The following WDR70 variants were observed in gnomAD, a reference collection of about 807,000 sequenced individuals.
The protein encoded by WDR70 is WD repeat-containing protein 70.
Under a neutral mutation model 88.6 loss-of-function variants are expected in WDR70, and 53 were observed. That is an observed-to-expected ratio of 0.60 (90% CI 0.48 to 0.75). WDR70 has a LOEUF of 0.75. WDR70 is among the 30% of genes least tolerant of loss of function. The probability of loss-of-function intolerance (pLI) is 0.00; values close to 1 mark genes in which losing one functional copy is unlikely to be tolerated. For missense variants in WDR70, 610 were observed against 823.2 expected, an observed-to-expected ratio of 0.74 and a Z score of 3.17; for synonymous variants, 280 against 270.0, an observed-to-expected ratio of 1.04 and a Z score of -0.36.
chr5:37,633,997 A>T (rs1259165088), intron 10 of WDR70, among the ~76,000 whole-genome samples: 3 of 151,904 alleles, frequency 2.0e-5, no homozygotes, highest in Non-Finnish European at 4.4e-5. Flanking sequence ...ATTTTTCAAT[A>T]TTTTAAAAAC....
At chr5:37,532,827 T>C (rs1261625408) in intron 9 of WDR70, among the ~76,000 whole-genome samples, 1 of 152,194 alleles carries the variant, frequency 6.6e-6, no homozygotes, top group Non-Finnish European at 1.5e-5. Flanking sequence ...TTGGGGGTGT[T>C]AAAGACCCTT....
chr5:37,554,532 T>A (rs1324092053), intron 9 of WDR70, among the ~76,000 whole-genome samples: 1 of 152,090 alleles, frequency 6.6e-6, no homozygotes, highest in Non-Finnish European at 1.5e-5. Flanking sequence ...TAAGATTTCA[T>A]ACCCAGCTGT....
chr5:37,582,395 C>T (rs1371664606), intron 9 of WDR70, among the ~76,000 whole-genome samples: 1 of 152,148 alleles, frequency 6.6e-6, no homozygotes, highest in African/African-American at 2.4e-5. Flanking sequence ...ATCAGATTTC[C>T]CTATATCAGC....
At chr5:37,657,436 G>C (rs1745584845) in intron 10 of WDR70, among the ~76,000 whole-genome samples, 1 of 152,086 alleles carries the variant, frequency 6.6e-6, no homozygotes, top group Non-Finnish European at 1.5e-5. Context: ...TTCCTATTCA[G>C]CCACCTTGCC....
intron 10 of WDR70, among the ~76,000 whole-genome samples, chr5:37,672,999 A>G (rs1213075926): frequency 1.3e-5 from 2 of 152,024 alleles, no homozygotes; most frequent in Non-Finnish European, 2.9e-5. Flanking sequence ...TTTTTCACCC[A>G]GGTATTAAGC....
At chr5:37,384,173 C>CTT (rs57075180) in intron 3 of WDR70, among the ~76,000 whole-genome samples, 2 of 107,860 alleles carry the variant, frequency 1.9e-5, no homozygotes, top group Non-Finnish European at 3.7e-5. Context: ...ACTTTCCCCC[C>CTT]TTTTTTTTTT....
At chr5:37,496,304 A>G (rs996411166) in intron 8 of WDR70, among the ~76,000 whole-genome samples, 10 of 152,128 alleles carry the variant, frequency 6.6e-5, no homozygotes, top group East Asian at 3.9e-4. Flanking sequence ...ACTCTTCACA[A>G]TAAATCTTGC....
chr5:37,592,455 T>C (rs1026032904), intron 9 of WDR70, among the ~76,000 whole-genome samples: 1 of 151,740 alleles, frequency 6.6e-6, no homozygotes, highest in Admixed American at 6.6e-5. Context: ...ATTAATACAG[T>C]AAAAAAAAGT....
chr5:37,394,339 C>T (rs1308759089), intron 4 of WDR70, among the ~76,000 whole-genome samples: 4 of 150,482 alleles, frequency 2.7e-5, no homozygotes, highest in Non-Finnish European at 2.9e-5. Flanking sequence ...GAAACTTGTG[C>T]GTTAATCATA....
At chr5:37,406,010 T>C (rs1749341325) in intron 5 of WDR70, among the ~76,000 whole-genome samples, 1 of 152,070 alleles carries the variant, frequency 6.6e-6, no homozygotes, top group Non-Finnish European at 1.5e-5. Context: ...ATCACTGTAC[T>C]CCAGCCTGAG....
rs563977672 is a variant in WDR70, at chr5:37,746,031, C to T, written c.1878-6455C>T. Among the ~76,000 whole-genome samples the T allele has an allele frequency of 1.1e-4, 17 of 152,262 alleles. No homozygotes were observed. In the South Asian group the frequency reaches 1.7e-3, roughly 15 times the overall value. On this transcript the variant is annotated intron_variant, in intron 17 of 17. Coordinates refer to ENST00000265107, the MANE Select transcript of WDR70 (RefSeq NM_018034.4). The stretch of plus-strand genomic sequence containing the variant: ...ATCGACCACATAATTGGAAGTAAAA[C>T]GCTCCTCAGCAAATGCAAAATAACT...
intron 4 of WDR70, 74 bp downstream of exon 4, chr5:37,392,194 T>C: frequency 1.4e-6 from 2 of 1,393,676 alleles, no homozygotes; most frequent in South Asian, 2.6e-5. Flanking sequence ...TTTTTTTTTT[T>C]AATTTTTTTG....
chr5:37,453,514 C>T (rs577536666), intron 7 of WDR70, among the ~76,000 whole-genome samples: 3 of 152,330 alleles, frequency 2.0e-5, no homozygotes, highest in South Asian at 2.1e-4. Context: ...GTTTTCTGCC[C>T]TGGGCGGGCC....
chr5:37,421,926 C>T (rs1174242092), intron 5 of WDR70, among the ~76,000 whole-genome samples: 1 of 151,544 alleles, frequency 6.6e-6, no homozygotes, highest in Non-Finnish European at 1.5e-5. Flanking sequence ...AGAAAGTCTT[C>T]TCCTTGGGGT....
rs114040213 is a variant in WDR70 at position 37,421,421 on chromosome 5, G to A, written c.493-16501G>A. 2.2e-3 allele frequency among the ~76,000 whole-genome samples: 333 copies of A among 152,294 alleles called. 1 individual carries two copies. The highest frequency in any genetic ancestry group is 7.7e-3 in the African/African-American group (320 of 41,568). ...AGTGGCATTCTATGTAAGCTGTGAC[G>A]CTTGTAAGGTACTTTGTGACAGACC... On this transcript the variant is annotated intron_variant, in intron 5 of 17. Coordinates refer to ENST00000265107, the MANE Select transcript of WDR70 (RefSeq NM_018034.4).
chr5:37,723,069 G>A (rs1272770717), intron 15 of WDR70, 135 bp downstream of exon 15: 12 of 966,888 alleles, frequency 1.2e-5, no homozygotes, highest in East Asian at 2.5e-5. Flanking sequence ...ATGTGGATAG[G>A]ACTACGAGTC....
chr5:37,670,168 A>G (rs550861278), intron 10 of WDR70, among the ~76,000 whole-genome samples: 1 of 152,232 alleles, frequency 6.6e-6, no homozygotes, highest in African/African-American at 2.4e-5. Context: ...AGCAAAGTGC[A>G]TGGTATGTGA....
intron 5 of WDR70, among the ~76,000 whole-genome samples, chr5:37,427,426 T>C (rs186708537): frequency 7.7e-4 from 117 of 152,180 alleles, no homozygotes; most frequent in Non-Finnish European, 1.4e-3. Flanking sequence ...ACACGTCATT[T>C]CATTGATTCT....
chr5:37,487,549 A>C (rs966991504), intron 8 of WDR70, among the ~76,000 whole-genome samples: 1 of 147,934 alleles, frequency 6.8e-6, no homozygotes, highest in South Asian at 2.1e-4. Context: ...TATATTATTA[A>C]ATTTGTATCT....
Sources: gnomAD v4.1 joint callset for allele counts (sites outside exome capture counted in the v4.1 genomes callset) on GRCh38, gnomAD v4.1.1 for gene constraint, MANE v1.5 for transcripts, NCBI Gene and HGNC (gene_info 2026-07-23, HGNC 2026-07-21) for gene names.